The following ST6GAL2 variants were observed in gnomAD, a reference collection of about 807,000 sequenced individuals.
The protein encoded by ST6GAL2 is ST6 beta-galactoside alpha-2,6-sialyltransferase 2, also known as beta-galactoside alpha-2,6-sialyltransferase 2.
A neutral mutation model predicts 37.5 loss-of-function variants in ST6GAL2; 24 were observed. The observed-to-expected ratio is 0.64, with a 90% CI of 0.46 to 0.90. The LOEUF is 0.90. ST6GAL2 is among the 40% of genes least tolerant of loss of function. The pLI, the probability that ST6GAL2 is intolerant of heterozygous loss-of-function variation, is 0.00. For synonymous variants in ST6GAL2, 306 were observed against 295.1 expected (o/e 1.04, Z -0.38); for missense variants, 715 against 712.7 (o/e 1.00, Z -0.04).
chr2:106,833,583 C>T (rs1676512969), intron 3 of ST6GAL2, among the ~76,000 whole-genome samples: 1 of 152,114 alleles, frequency 6.6e-6, no homozygotes, highest in Non-Finnish European at 1.5e-5. Flanking sequence ...CGTGAAGAAA[C>T]GAGGTATTTT....
chr2:106,812,433 G>A (rs1402417193), intron 5 of ST6GAL2, among the ~76,000 whole-genome samples: 2 of 152,212 alleles, frequency 1.3e-5, no homozygotes, highest in African/African-American at 2.4e-5. Flanking sequence ...AACTGGTCAT[G>A]TCAGCAGTCT....
At chr2:106,831,261 C>T (rs954234551) in intron 4 of ST6GAL2, among the ~76,000 whole-genome samples, 1 of 152,162 alleles carries the variant, frequency 6.6e-6, no homozygotes, top group African/African-American at 2.4e-5. Flanking sequence ...GCTCCTTTAC[C>T]CTCCCTCCTC....
At chr2:106,875,176 T>TTC (rs1476957246) in intron 1 of ST6GAL2, among the ~76,000 whole-genome samples, 1 of 85,024 alleles carries the variant, frequency 1.2e-5, no homozygotes, top group African/African-American at 5.8e-5. Context: ...TTTTGTTTCT[T>TTC]TTTTTTTTTT....
At chr2:106,831,074 A>G (rs1314721475) in intron 4 of ST6GAL2, among the ~76,000 whole-genome samples, 1 of 152,216 alleles carries the variant, frequency 6.6e-6, no homozygotes. Flanking sequence ...TTAAACAGAC[A>G]TCAGGGGTAT....
chr2:106,866,716 T>G (rs1678040856), intron 1 of ST6GAL2, among the ~76,000 whole-genome samples: 1 of 152,158 alleles, frequency 6.6e-6, no homozygotes, highest in Non-Finnish European at 1.5e-5. Flanking sequence ...CTCCAAATGG[T>G]GACACAGAAG....
intron 1 of ST6GAL2, among the ~76,000 whole-genome samples, chr2:106,859,320 C>T (rs1001076294): frequency 5.3e-5 from 8 of 152,122 alleles, no homozygotes; most frequent in African/African-American, 1.9e-4. Flanking sequence ...AAATACACAT[C>T]TGCTACACAT....
chr2:106,870,094 C>T (rs1678201649), intron 1 of ST6GAL2, among the ~76,000 whole-genome samples: 1 of 152,172 alleles, frequency 6.6e-6, no homozygotes, highest in East Asian at 1.9e-4. Flanking sequence ...CAGGCAGTCA[C>T]CTGGGGGATG....
intron 1 of ST6GAL2, among the ~76,000 whole-genome samples, chr2:106,859,231 T>C (rs1419975764): frequency 1.3e-5 from 2 of 152,170 alleles, no homozygotes; most frequent in African/African-American, 2.4e-5. Context: ...CTGTTCTCAG[T>C]GGAATGGGGT....
intron 1 of ST6GAL2, among the ~76,000 whole-genome samples, chr2:106,883,645 G>A (rs1678841277): frequency 6.6e-6 from 1 of 152,122 alleles, no homozygotes; most frequent in South Asian, 2.1e-4. Flanking sequence ...CACCTGCCAT[G>A]AGGGTACTAT....
In ST6GAL2 at chr2:106,804,120, T is replaced by C. The variant is rs1235432306; in HGVS notation, c.*2558A>G. 1 of 152,190 alleles carries C rather than the reference T, an allele frequency of 6.6e-6. No individual in the cohort carries two copies. Among genetic ancestry groups the C allele is most frequent in the African/African-American group, 2.4e-5 (1 of 41,468 alleles). The allele number at this position is 152,190 out of a possible 1,614,324, so 9.4% of individuals were successfully genotyped here. ...CAAGAGTCTTTAAGGCCATAATAAA[T>C]GCAAAAATTGTAACTAAATTTCCTT... is the stretch of plus-strand genomic sequence containing the variant. On this transcript the variant is annotated 3_prime_UTR_variant, in exon 6 of 6. Transcript: ENST00000409382.
rs191597480 is a variant in ST6GAL2 at position 106,813,144 on chromosome 2, A to G, written c.1319-6195T>C. On this transcript the variant is annotated intron_variant, in intron 5 of 5. Transcript: ENST00000409382. ...TTTTTTTTTTTTGAGATGGAGTCTC[A>G]CTCTGTCGTCCAGGCTGGAGTGCAG... The G allele has an allele frequency of 1.2e-3, 1,530 of 1,237,864 alleles. 14 individuals carry two copies. In the African/African-American group the frequency reaches 0.022, roughly 18 times the overall value. 76.7% of individuals were successfully genotyped at this position (1,237,864 alleles called of 1,614,324 possible).
In ST6GAL2 at chr2:106,843,279, C is replaced by A. The variant is rs773859154; in HGVS notation, c.699G>T (p.Lys233Asn). 1 of 1,610,288 alleles carries A rather than the reference C, an allele frequency of 6.2e-7. No individual in the cohort carries two copies. Among genetic ancestry groups the A allele is most frequent in the Non-Finnish European group, 8.5e-7 (1 of 1,178,376 alleles). Residue 233 changes from lysine to asparagine, a missense_variant, in exon 2 of 6, where the codon AAG becomes AAT. Transcript: ENST00000409382. ...KAMKDYLTAN[K>N]HGVRFRGKRE... The stretch of plus-strand genomic sequence containing the variant: ...GCTTCCCGCGGAAGCGCACCCCGTG[C>A]TTGTTGGCGGTCAGGTAATCCTTCA...
chr2:106,842,916 C>T lies in ST6GAL2; in HGVS notation c.943+119G>A, dbSNP rs536304552. 132 of 623,408 alleles carry T rather than the reference C, an allele frequency of 2.1e-4. No homozygotes were observed. In the South Asian group the frequency reaches 2.7e-3, roughly 13 times the overall value. The allele number at this position is 623,408 out of a possible 1,614,324, so 38.6% of individuals were successfully genotyped here. On this transcript the variant is annotated intron_variant, in intron 2 of 5. Coordinates refer to ENST00000409382, the MANE Select transcript of ST6GAL2 (RefSeq NM_001142351.2). Reference sequence around the variant, plus strand: ...GAATCTCCAGCTAATATTAGGAACACCTGGTGCGGAGACCCCAGCTTGCCC... The same window carrying T: ...GAATCTCCAGCTAATATTAGGAACATCTGGTGCGGAGACCCCAGCTTGCCC...
intron 5 of ST6GAL2, among the ~76,000 whole-genome samples, chr2:106,820,029 T>C (rs1257549315): frequency 6.6e-6 from 1 of 151,502 alleles, no homozygotes; most frequent in Non-Finnish European, 1.5e-5. Context: ...TCACTTTCAC[T>C]AAAAGGAAGA....
intron 1 of ST6GAL2, among the ~76,000 whole-genome samples, chr2:106,877,586 GA>G (rs1324487198): frequency 2.6e-5 from 4 of 152,308 alleles, no homozygotes; most frequent in African/African-American, 9.6e-5. Context: ...AGTACCAAAT[GA>G]AGAAAATTTT....
intron 5 of ST6GAL2, among the ~76,000 whole-genome samples, chr2:106,815,559 G>A (rs10177770): frequency 0.22 from 32,987 of 152,096 alleles, 4,136 homozygotes; most frequent in East Asian, 0.5. Flanking sequence ...TTTTCTGTTT[G>A]GGAAAGAGTC....
Position 106,843,774 on chromosome 2 carries a change from G to A in ST6GAL2, c.204C>T (p.Pro68=). The part of the protein sequence containing the change: ...QRAIMGAAHE[P]SPPGGLDARQ... ...GTGCGTCCAGGCCCCCAGGCGGGGAGGGCTCATGTGCGGCGCCCATGATGG... is the reference window on the plus strand; with the variant it reads ...GTGCGTCCAGGCCCCCAGGCGGGGAAGGCTCATGTGCGGCGCCCATGATGG... Residue 68 remains proline (P), a synonymous_variant, in exon 2 of 6, where the codon CCC becomes CCT. Coordinates refer to ENST00000409382, the MANE Select transcript of ST6GAL2 (RefSeq NM_001142351.2). 1 of 1,610,152 alleles carries A rather than the reference G, an allele frequency of 6.2e-7. No homozygotes were observed. The highest frequency in any genetic ancestry group is 2.2e-5 in the East Asian group (1 of 44,766).
At chr2:106,831,518 C>T (rs1283069701) in intron 4 of ST6GAL2, among the ~76,000 whole-genome samples, 10 of 152,210 alleles carry the variant, frequency 6.6e-5, no homozygotes, top group African/African-American at 1.7e-4. Context: ...ATGCTTGATT[C>T]TCAGCGGAGG....
At chr2:106,827,754 T>C (rs998319175) in intron 5 of ST6GAL2, among the ~76,000 whole-genome samples, 2 of 152,228 alleles carry the variant, frequency 1.3e-5, no homozygotes, top group Non-Finnish European at 1.5e-5. Context: ...GCTAGTGAGA[T>C]TGAGAAACAA....
Sources: allele counts gnomAD v4.1 joint callset (sites outside exome capture counted in the v4.1 genomes callset), GRCh38; gene constraint gnomAD v4.1.1; transcripts MANE v1.5; gene names NCBI Gene and HGNC (gene_info 2026-07-23, HGNC 2026-07-21).